RTKN2: variants seen among roughly 807,000 people sequenced by gnomAD.
RTKN2 encodes rhotekin-2.
A neutral mutation model predicts 71.5 loss-of-function variants in RTKN2; 69 were observed. That is an observed-to-expected ratio of 0.96 (90% CI 0.79 to 1.18). The LOEUF is 1.18. Ranked by LOEUF, RTKN2 falls within the 50% of genes most tolerant of loss-of-function variation. The pLI is 0.00. For synonymous variants in RTKN2, 236 were observed against 236.5 expected, an observed-to-expected ratio of 1.00 and a Z score of 0.02; for missense variants, 724 against 719.7, an observed-to-expected ratio of 1.01 and a Z score of -0.07.
At chr10:62,245,321 A>C (rs1472960674) in intron 3 of RTKN2, among the ~76,000 whole-genome samples, 1 of 152,132 alleles carries the variant, frequency 6.6e-6, no homozygotes, top group African/African-American at 2.4e-5. Context: ...TATTTAAGAG[A>C]ATGTAGTTAT....
rs775631381 is a variant in RTKN2, at chr10:62,199,857, T to G, written c.1191A>C (p.Gln397His). Reference protein sequence around the residue: ...AFWQHFFDLSQWKHCCEELMK... With the variant: ...AFWQHFFDLSHWKHCCEELMK... The stretch of plus-strand genomic sequence containing the variant: ...TAAGTTCTTCACAACAGTGCTTCCA[T>G]TGGCCTAAGACAGACAGAAAAAAGG... The change falls in exon 11 of 12, where the codon CAA (glutamine) becomes CAC (histidine). Residue 397 changes from glutamine (Q) to histidine (H), a missense_variant. Gln to His is a conservative substitution (Grantham distance 24, BLOSUM62 0). Coordinates refer to ENST00000373789, the MANE Select transcript of RTKN2 (RefSeq NM_145307.4). 6 of 1,604,852 alleles carry G rather than the reference T, an allele frequency of 3.7e-6. No individual in the cohort carries two copies. In the African/African-American group the frequency reaches 8.0e-5, roughly 21 times the overall value.
intron 5 of RTKN2, among the ~76,000 whole-genome samples, chr10:62,236,838 A>G (rs1436947534): frequency 1.3e-5 from 2 of 151,990 alleles, no homozygotes; most frequent in African/African-American, 2.4e-5. Context: ...AACTTGGAGG[A>G]TATTAAGTTA....
intron 2 of RTKN2, among the ~76,000 whole-genome samples, chr10:62,250,084 T>A (rs1443208892): frequency 1.3e-5 from 2 of 152,178 alleles, no homozygotes; most frequent in Admixed American, 1.3e-4. Flanking sequence ...ATGGGGAAAC[T>A]AACATCTGAA....
chr10:62,257,531 G>GA (rs1842697508), intron 2 of RTKN2, among the ~76,000 whole-genome samples: 1 of 152,180 alleles, frequency 6.6e-6, no homozygotes, highest in African/African-American at 2.4e-5. Context: ...TTCAGTGTAA[G>GA]CAAACACACT....
chr10:62,217,141 C>A lies in RTKN2; in HGVS notation c.997G>T (p.Ala333Ser). The change falls in exon 9 of 12, where the codon GCT (alanine) becomes TCT (serine). Residue 333 changes from alanine to serine, a missense_variant. Physicochemically the swap from Ala to Ser is moderately conservative, Grantham distance 99. Coordinates refer to ENST00000373789, the MANE Select transcript of RTKN2 (RefSeq NM_145307.4). ...PEEIEAKVEPALVVPINKETR... is the reference protein window; with the variant it reads ...PEEIEAKVEPSLVVPINKETR... ...ACCTTGTTAATGGGTACTACCAAAGCTGGTTCCACTTTAGCTTCAATTTCC... is the reference window on the plus strand; with the variant it reads ...ACCTTGTTAATGGGTACTACCAAAGATGGTTCCACTTTAGCTTCAATTTCC... 6.3e-7 allele frequency: 1 copy of A among 1,583,198 alleles called. No individual in the cohort carries two copies. The highest frequency in any genetic ancestry group is 1.8e-5 in the Admixed American group (1 of 55,950).
At position 62,268,723 on chromosome 10, in the gene RTKN2, G is replaced by A. The variant is rs1360198278; in HGVS notation, c.-113C>T. Reference sequence around the variant, plus strand: ...AACCGCCCGGCCGTACCAAGTCCCAGTCGCAGGGGCCGGGGGCGCAGGAGG... The same window carrying A: ...AACCGCCCGGCCGTACCAAGTCCCAATCGCAGGGGCCGGGGGCGCAGGAGG... On this transcript the variant is annotated 5_prime_UTR_variant, in exon 1 of 12. Transcript: ENST00000373789. 1.8e-5 allele frequency: 20 copies of A among 1,133,292 alleles called. No homozygotes were observed. The highest frequency in any genetic ancestry group is 2.5e-5 in the Non-Finnish European group (20 of 799,196). 70.2% of individuals were successfully genotyped at this position (1,133,292 alleles called of 1,614,324 possible).
intron 1 of RTKN2, 122 bp downstream of exon 1, chr10:62,268,429 T>C (rs1022759264): frequency 1.0e-5 from 10 of 961,194 alleles, no homozygotes; most frequent in South Asian, 6.9e-5. Flanking sequence ...CCTTTGTTTC[T>C]GGCCACCGCT....
chr10:62,233,538 G>A (rs544569442), intron 6 of RTKN2, among the ~76,000 whole-genome samples: 3 of 151,642 alleles, frequency 2.0e-5, no homozygotes, highest in East Asian at 1.9e-4. Flanking sequence ...ACTGATTCAC[G>A]GGTCATGAAA....
At chr10:62,263,196 G>A (rs899635934) in intron 1 of RTKN2, among the ~76,000 whole-genome samples, 13 of 152,160 alleles carry the variant, frequency 8.5e-5, no homozygotes, top group Non-Finnish European at 1.5e-4. Context: ...GAACATACTG[G>A]ATTAGAGTGG....
At chr10:62,230,448 A>G (rs921956141) in intron 6 of RTKN2, among the ~76,000 whole-genome samples, 14 of 152,242 alleles carry the variant, frequency 9.2e-5, no homozygotes, top group African/African-American at 3.4e-4. Flanking sequence ...AAGTGCTGAG[A>G]TTACAGGCAT....
At chr10:62,223,383 T>G (rs557095997) in intron 6 of RTKN2, 51 bp from the exon 7 acceptor site, 4 of 1,057,656 alleles carry the variant, frequency 3.8e-6, no homozygotes. Context: ...TTTCTACTAC[T>G]ACACAAAATA....
At position 62,195,286 on chromosome 10, in the gene RTKN2, A is replaced by G; in HGVS notation, c.*2622T>C. On this transcript the variant is annotated 3_prime_UTR_variant, in exon 12 of 12. Transcript: ENST00000373789. ...GTTTATAGTCTTCATATATCAAGAA[A>G]CAAATTAAAAGGACAAACAAGGAAT... is the stretch of plus-strand genomic sequence containing the variant. 1.0e-6 allele frequency: 1 copy of G among 985,096 alleles called. No homozygotes were observed. Among genetic ancestry groups the G allele is most frequent in the Non-Finnish European group, 1.2e-6 (1 of 829,658 alleles). 61.0% of individuals were successfully genotyped at this position (985,096 alleles called of 1,614,324 possible). A position where few individuals can be genotyped will look rare whatever the true frequency, so the allele number is the denominator to read the frequency against.
intron 9 of RTKN2, among the ~76,000 whole-genome samples, chr10:62,205,904 G>A (rs912828628): frequency 2.0e-5 from 3 of 152,120 alleles, no homozygotes; most frequent in African/African-American, 7.2e-5. Context: ...CAAAGATAGA[G>A]ATTTGATGCC....
chr10:62,208,870 T>G (rs1841601135), intron 9 of RTKN2, among the ~76,000 whole-genome samples: 1 of 152,142 alleles, frequency 6.6e-6, no homozygotes, highest in South Asian at 2.1e-4. Context: ...TTAAGATGAG[T>G]GGAAGACCTA....
intron 2 of RTKN2, among the ~76,000 whole-genome samples, chr10:62,261,951 C>G (rs1842782168): frequency 6.6e-6 from 1 of 152,050 alleles, no homozygotes; most frequent in Admixed American, 6.5e-5. Context: ...TAAATTGAAC[C>G]AATTCTTAGG....
At chr10:62,252,627 A>T (rs1842602715) in intron 2 of RTKN2, among the ~76,000 whole-genome samples, 1 of 152,060 alleles carries the variant, frequency 6.6e-6, no homozygotes, top group Admixed American at 6.6e-5. Context: ...AAAGTGGAGT[A>T]GGGGAAATAC....
At chr10:62,208,167 A>T (rs1841585375) in intron 9 of RTKN2, among the ~76,000 whole-genome samples, 1 of 152,194 alleles carries the variant, frequency 6.6e-6, no homozygotes, top group Admixed American at 6.6e-5. Context: ...TTAGGTTTTT[A>T]AAAATTATTA....
At chr10:62,241,019 ATGC>A in intron 4 of RTKN2, 120 bp downstream of exon 4, 1 of 592,042 alleles carries the variant, frequency 1.7e-6, no homozygotes, top group Non-Finnish European at 3.0e-6. Context: ...ACAGTTCAAG[ATGC>A]TGCTTATTCT....
chr10:62,195,619 GA>G lies in RTKN2; in HGVS notation c.*2288del, dbSNP rs1234708992. 2 of 107,838 alleles carry G rather than the reference GA, an allele frequency of 1.9e-5. No individual in the cohort carries two copies. The highest frequency in any genetic ancestry group is 3.1e-5 in the Non-Finnish European group (2 of 65,018). The allele number at this position is 107,838 out of a possible 1,614,324, so 6.7% of individuals were successfully genotyped here. ...GGACAGAGGGAATGAAGGAAGGAAG[GA>G]AGGAAGGAAGGAAGGAAGGAAGGAA... is the stretch of plus-strand genomic sequence containing the variant. On this transcript the variant is annotated 3_prime_UTR_variant, in exon 12 of 12. Coordinates refer to ENST00000373789, the MANE Select transcript of RTKN2 (RefSeq NM_145307.4).
Sources: gnomAD v4.1 joint callset for allele counts (sites outside exome capture counted in the v4.1 genomes callset) on GRCh38, gnomAD v4.1.1 for gene constraint, MANE v1.5 for transcripts, NCBI Gene and HGNC (gene_info 2026-07-23, HGNC 2026-07-21) for gene names.